The following MTCL2 variants were observed in gnomAD, a reference collection of about 807,000 sequenced individuals.
MTCL2 encodes the protein microtubule cross-linking factor 2.
chr20:36,805,303 G>A, the MTCL2 span, among the ~76,000 whole-genome samples: 1 of 152,068 alleles, frequency 6.6e-6, no homozygotes, highest in East Asian at 1.9e-4. Flanking sequence ...GCCTGATTCT[G>A]TCCCAAATCT....
At chr20:36,786,475 G>A in the MTCL2 span, 1 of 1,524,080 alleles carries the variant, frequency 6.6e-7, no homozygotes, top group East Asian at 2.5e-5. Flanking sequence ...CGGGGAGCTT[G>A]GCTGCTCTGT....
the MTCL2 span, among the ~76,000 whole-genome samples, chr20:36,819,297 G>C: frequency 9.2e-3 from 1,402 of 152,290 alleles, 12 homozygotes; most frequent in Non-Finnish European, 0.014. Flanking sequence ...ACTTTTCAAG[G>C]TGGGCTGGTA....
chr20:36,804,802 T>C, the MTCL2 span: 3 of 1,613,974 alleles, frequency 1.9e-6, no homozygotes, highest in Non-Finnish European at 1.7e-6. Context: ...GGCAAACTGT[T>C]GCTGAAGCTC....
At chr20:36,830,320 C>T in the MTCL2 span, among the ~76,000 whole-genome samples, 8 of 152,300 alleles carry the variant, frequency 5.3e-5, no homozygotes, top group African/African-American at 1.9e-4. Flanking sequence ...GAATCCCACA[C>T]TTTGAGAGGC....
the MTCL2 span, among the ~76,000 whole-genome samples, chr20:36,827,167 G>GCCTC: frequency 6.6e-6 from 1 of 151,648 alleles, no homozygotes; most frequent in African/African-American, 2.4e-5. Context: ...TCCTGCCTCA[G>GCCTC]CCTCCCAAGT....
At chr20:36,862,785 CCCACCGACGACGCGG>C in the MTCL2 span, 8 of 1,427,308 alleles carry the variant, frequency 5.6e-6, no homozygotes, top group Non-Finnish European at 6.4e-6. Context: ...GCGGCTGCTG[CCCACCGACGACGCGG>C]CCACCGACGG....
chr20:36,798,760 C>G, the MTCL2 span, among the ~76,000 whole-genome samples: 4 of 152,180 alleles, frequency 2.6e-5, no homozygotes, highest in Non-Finnish European at 5.9e-5. Flanking sequence ...TCTTCCCCTT[C>G]CCCATCCTGA....
At chr20:36,778,919 A>G in the MTCL2 span, 1 of 152,236 alleles carries the variant, frequency 6.6e-6, no homozygotes, top group African/African-American at 2.4e-5. Context: ...AAAGAGTGAC[A>G]AGGCAGCCAG....
chr20:36,839,908 CTGGAG>C, the MTCL2 span, among the ~76,000 whole-genome samples: 1 of 152,208 alleles, frequency 6.6e-6, no homozygotes, highest in African/African-American at 2.4e-5. This position sits in a 1 kb window ranked among gnomAD's most constrained non-coding sequence, Gnocchi z 5.1. Context: ...GTTGCCCAGG[CTGGAG>C]TGTAGTGGCA....
the MTCL2 span, among the ~76,000 whole-genome samples, chr20:36,820,974 A>G: frequency 1.3e-5 from 2 of 152,228 alleles, no homozygotes; most frequent in East Asian, 1.9e-4. Context: ...GCAGTTAGGG[A>G]AGGCTTTCTT....
the MTCL2 span, among the ~76,000 whole-genome samples, chr20:36,837,722 G>A: frequency 2.0e-5 from 3 of 151,632 alleles, no homozygotes; most frequent in African/African-American, 4.8e-5. Flanking sequence ...GATTACAGGC[G>A]GGAACCACCA....
At chr20:36,786,747 G>T in the MTCL2 span, 11 of 1,066,356 alleles carry the variant, frequency 1.0e-5, no homozygotes, top group Admixed American at 2.5e-5. Flanking sequence ...CCATAAACCA[G>T]TTCCCAGGGG....
chr20:36,810,135 A>G, the MTCL2 span: 1 of 1,571,306 alleles, frequency 6.4e-7, no homozygotes, highest in Non-Finnish European at 8.6e-7. Flanking sequence ...GACACAGATA[A>G]TGAGGAGGGA....
chr20:36,840,497 T>G, the MTCL2 span, among the ~76,000 whole-genome samples: 1 of 151,542 alleles, frequency 6.6e-6, no homozygotes, highest in African/African-American at 2.4e-5. Context: ...ACTAAATTTG[T>G]AGTGATTTGT....
the MTCL2 span, among the ~76,000 whole-genome samples, chr20:36,834,638 C>G: frequency 6.6e-6 from 1 of 152,286 alleles, no homozygotes; most frequent in African/African-American, 2.4e-5. Flanking sequence ...CCTACTACTA[C>G]TAGTAGTCCT....
At chr20:36,836,629 C>G in the MTCL2 span, among the ~76,000 whole-genome samples, 1 of 152,094 alleles carries the variant, frequency 6.6e-6, no homozygotes, top group Non-Finnish European at 1.5e-5. Context: ...CAGGTGTGAG[C>G]CACCACCCCC....
the MTCL2 span, among the ~76,000 whole-genome samples, chr20:36,820,000 C>T: frequency 1.4e-4 from 21 of 152,240 alleles, no homozygotes; most frequent in East Asian, 1.5e-3. Flanking sequence ...GGGCCCTGGA[C>T]GGGGCACACA....
At chr20:36,778,850 G>C in the MTCL2 span, 4 of 152,334 alleles carry the variant, frequency 2.6e-5, no homozygotes, top group African/African-American at 9.7e-5. Context: ...CCTGGGCCAG[G>C]TTTCCAGATT....
At chr20:36,853,702 GGTGTGTGTGTGTGTGTGTGTGTGT>G in the MTCL2 span, among the ~76,000 whole-genome samples, 1 of 143,834 alleles carries the variant, frequency 7.0e-6, no homozygotes, top group Non-Finnish European at 1.5e-5. Context: ...ATCAGGGAGG[GGTGTGTGTGTGTGTGTGTGTGTGT>G]GTGTGTGTGT....
Sources: allele counts gnomAD v4.1 joint callset (sites outside exome capture counted in the v4.1 genomes callset), GRCh38; gene constraint gnomAD v4.1.1; non-coding constraint Gnocchi (gnomAD v3.1); transcripts MANE v1.5; gene names NCBI Gene and HGNC (gene_info 2026-07-23, HGNC 2026-07-21).